Variants in MACROD2 observed in about 807,000 individuals in gnomAD.
MACROD2 encodes the protein ADP-ribose glycohydrolase MACROD2.
Under a neutral mutation model 70.4 loss-of-function variants are expected in MACROD2, and 36 were observed. That is an observed-to-expected ratio of 0.51 (90% confidence interval 0.39 to 0.68). MACROD2 has a LOEUF of 0.68. MACROD2 is among the 30% of genes least tolerant of loss of function. The pLI is 0.00. For synonymous variants in MACROD2, 172 were observed against 178.8 expected, an observed-to-expected ratio of 0.96 and a Z score of 0.30; for missense variants, 496 against 538.4, an observed-to-expected ratio of 0.92 and a Z score of 0.78.
At chr20:15,483,267 T>C (rs1600477649) in intron 7 of MACROD2, among the ~76,000 whole-genome samples, 1 of 152,308 alleles carries the variant, frequency 6.6e-6, no homozygotes, top group African/African-American at 2.4e-5. Context: ...ACGATCCATT[T>C]CTTGCATGTG....
chr20:14,465,837 T>C lies in MACROD2; in HGVS notation c.272-27642T>C, dbSNP rs183905923. Among the ~76,000 whole-genome samples the C allele has an allele frequency of 2.8e-3, 424 of 152,238 alleles. 2 individuals are homozygous for C. The highest frequency in any genetic ancestry group is 3.8e-3 in the Non-Finnish European group (261 of 68,030). On this transcript the variant is annotated intron_variant, in intron 3 of 17. Transcript: ENST00000684519. Reference sequence around the variant, plus strand: ...TGAAATTCTGAGTTGAAAATTCTTTTCTTTAAGAATGTTGAATAGTGGCCC... The same window carrying C: ...TGAAATTCTGAGTTGAAAATTCTTTCCTTTAAGAATGTTGAATAGTGGCCC...
intron 4 of MACROD2, among the ~76,000 whole-genome samples, chr20:14,616,681 T>C (rs1983500562): frequency 1.3e-5 from 2 of 152,104 alleles, no homozygotes; most frequent in Admixed American, 1.3e-4. Context: ...CTGTGGGACA[T>C]TGTATGACTT....
intron 3 of MACROD2, among the ~76,000 whole-genome samples, chr20:14,427,790 A>G (rs1439842137): frequency 6.6e-6 from 1 of 152,142 alleles, no homozygotes; most frequent in East Asian, 1.9e-4. Context: ...GGAAGTGCTC[A>G]GTTAAACCCT....
intron 4 of MACROD2, among the ~76,000 whole-genome samples, chr20:14,565,006 A>C (rs2123302298): frequency 6.6e-6 from 1 of 152,138 alleles, no homozygotes; most frequent in South Asian, 2.1e-4. Flanking sequence ...TCTGCCATAA[A>C]AAAGAATGAA....
At chr20:15,069,598 C>T (rs1030030120) in intron 5 of MACROD2, among the ~76,000 whole-genome samples, 15 of 152,186 alleles carry the variant, frequency 9.9e-5, no homozygotes, top group African/African-American at 3.6e-4. Flanking sequence ...CTCCCTGGAT[C>T]CACGCTAGCA....
At chr20:15,742,590 G>A (rs1476192140) in intron 8 of MACROD2, among the ~76,000 whole-genome samples, 2 of 152,144 alleles carry the variant, frequency 1.3e-5, no homozygotes, top group Non-Finnish European at 2.9e-5. Flanking sequence ...ACTAAACTTT[G>A]TTGCCAGAGG....
chr20:14,968,620 G>A (rs2074660679), intron 5 of MACROD2, among the ~76,000 whole-genome samples: 1 of 152,178 alleles, frequency 6.6e-6, no homozygotes, highest in Admixed American at 6.5e-5. Context: ...ATCACCTGAA[G>A]GGCTTGTTCA....
At chr20:14,939,201 T>G (rs181314995) in intron 5 of MACROD2, among the ~76,000 whole-genome samples, 1 of 152,206 alleles carries the variant, frequency 6.6e-6, no homozygotes, top group African/African-American at 2.4e-5. Context: ...CCCCAAAGTT[T>G]TCTTCTAGTA....
chr20:14,676,841 G>T (rs1052776013), intron 4 of MACROD2, among the ~76,000 whole-genome samples: 5 of 152,146 alleles, frequency 3.3e-5, no homozygotes, highest in African/African-American at 1.2e-4. Context: ...AAGAAGAAAA[G>T]AGAGAAGAAT....
At chr20:15,281,902 A>G (rs1285210486) in intron 6 of MACROD2, among the ~76,000 whole-genome samples, 1 of 152,232 alleles carries the variant, frequency 6.6e-6, no homozygotes, top group Non-Finnish European at 1.5e-5. Flanking sequence ...CCCCTGCAGC[A>G]GATTTCTGCC....
At chr20:15,962,156 C>T (rs936316618) in intron 12 of MACROD2, among the ~76,000 whole-genome samples, 3 of 152,180 alleles carry the variant, frequency 2.0e-5, no homozygotes, top group Non-Finnish European at 4.4e-5. Context: ...ACTGCTTCTC[C>T]CACTATCAAC....
chr20:14,923,713 G>C (rs1047079852), intron 5 of MACROD2, among the ~76,000 whole-genome samples: 5 of 150,656 alleles, frequency 3.3e-5, no homozygotes, highest in African/African-American at 1.2e-4. Flanking sequence ...ATCTAAGATA[G>C]GTGACGGCAC....
intron 5 of MACROD2, among the ~76,000 whole-genome samples, chr20:15,117,513 C>T (rs1299602359): frequency 3.6e-5 from 5 of 140,386 alleles, no homozygotes; most frequent in African/African-American, 8.4e-5. Context: ...GGAAATATCG[C>T]GATTTCAAAT....
At chr20:15,561,132 C>T (rs879873919) in intron 8 of MACROD2, among the ~76,000 whole-genome samples, 16 of 151,426 alleles carry the variant, frequency 1.1e-4, no homozygotes, top group East Asian at 4.3e-4. Flanking sequence ...TGTAAGAGAA[C>T]GCTACTCAAT....
intron 3 of MACROD2, among the ~76,000 whole-genome samples, chr20:14,293,138 A>C (rs1336996293): frequency 6.6e-6 from 1 of 151,736 alleles, no homozygotes; most frequent in Admixed American, 6.6e-5. Flanking sequence ...AATTTGTACA[A>C]ACTTAAACAT....
chr20:15,459,671 T>G (rs2046781514), intron 7 of MACROD2, among the ~76,000 whole-genome samples: 1 of 152,152 alleles, frequency 6.6e-6, no homozygotes, highest in South Asian at 2.1e-4. Flanking sequence ...AGGGGTCTTC[T>G]GAGTTCAAAA....
At chr20:15,678,526 A>T (rs1410915358) in intron 8 of MACROD2, among the ~76,000 whole-genome samples, 2 of 152,050 alleles carry the variant, frequency 1.3e-5, no homozygotes, top group Non-Finnish European at 2.9e-5. Flanking sequence ...TGCCTGGCTA[A>T]TTTTTTGTAT....
At chr20:14,858,403 T>C (rs962282912) in intron 5 of MACROD2, among the ~76,000 whole-genome samples, 2 of 152,028 alleles carry the variant, frequency 1.3e-5, no homozygotes, top group Admixed American at 6.6e-5. Flanking sequence ...AAGAGATTCT[T>C]TGAGTTGATG....
chr20:14,465,672 C>T (rs771497414), intron 3 of MACROD2, among the ~76,000 whole-genome samples: 70 of 152,128 alleles, frequency 4.6e-4, no homozygotes, highest in Middle Eastern at 6.8e-3. Context: ...TGCCTGGTAC[C>T]GGTTGTTCCT....
Sources: allele counts gnomAD v4.1 joint callset (sites outside exome capture counted in the v4.1 genomes callset), GRCh38; gene constraint gnomAD v4.1.1; transcripts MANE v1.5; gene names NCBI Gene and HGNC (gene_info 2026-07-23, HGNC 2026-07-21).